The following NKIRAS1 variants were observed in gnomAD, a reference collection of about 807,000 sequenced individuals.
NKIRAS1 encodes NFKB inhibitor interacting Ras like 1.
NKIRAS1 carries 16 observed loss-of-function variants against 19.8 expected under a neutral mutation model. The observed-to-expected ratio is 0.81, with a 90% CI of 0.55 to 1.23. NKIRAS1 has a LOEUF of 1.23. Ranked by LOEUF, NKIRAS1 falls within the 50% of genes most tolerant of loss-of-function variation. The pLI, the probability that NKIRAS1 is intolerant of heterozygous loss-of-function variation, is 0.00. For missense variants in NKIRAS1, 184 were observed against 220.0 expected (o/e 0.84, Z 1.04); for synonymous variants, 88 against 79.0 (o/e 1.11, Z -0.61).
intron 4 of NKIRAS1, 71 bp from the exon 5 acceptor site, chr3:23,893,408 A>T: frequency 7.2e-7 from 1 of 1,390,006 alleles, no homozygotes; most frequent in South Asian, 1.4e-5. Context: ...AAATGGAGAC[A>T]TAAGGAAAAT....
At chr3:23,945,650 C>A in intron 1 of NKIRAS1, 1 of 477,972 alleles carries the variant, frequency 2.1e-6, no homozygotes. Context: ...TCAGAGCCCG[C>A]GGGGCACTTT....
chr3:23,900,386 G>A lies in NKIRAS1; in HGVS notation c.336+422C>T, dbSNP rs78255843. On this transcript the variant is annotated intron_variant, in intron 4 of 4. Coordinates refer to ENST00000425478, the MANE Select transcript of NKIRAS1 (RefSeq NM_020345.4). ...AGAGCGGCTCACACGTGTAATCCCAGCACTTTGGGAGGCCAAGGCCGGCAA... is the reference window on the plus strand; with the variant it reads ...AGAGCGGCTCACACGTGTAATCCCAACACTTTGGGAGGCCAAGGCCGGCAA... Among the ~76,000 whole-genome samples, 905 of 152,222 alleles carry A rather than the reference G, an allele frequency of 5.9e-3. 17 individuals carry two copies. The highest frequency in any genetic ancestry group is 0.049 in the East Asian group (254 of 5,166).
At chr3:23,917,683 C>T (rs560830084), upstream of NKIRAS1, 3 of 646,908 alleles carry the variant, frequency 4.6e-6, no homozygotes, top group East Asian at 3.0e-5. Flanking sequence ...AACGCGGCTC[C>T]GTGGGCGCAG....
chr3:23,936,869 T>C (rs1705404468), intron 1 of NKIRAS1, among the ~76,000 whole-genome samples: 1 of 152,224 alleles, frequency 6.6e-6, no homozygotes, highest in Non-Finnish European at 1.5e-5. Flanking sequence ...ATTGCATTTC[T>C]AACAAGTTTT....
chr3:23,928,689 TAAAA>T (rs10715656), intron 1 of NKIRAS1, among the ~76,000 whole-genome samples: 3 of 116,838 alleles, frequency 2.6e-5, no homozygotes, highest in Non-Finnish European at 1.8e-5. Context: ...GATTTAGGCT[TAAAA>T]AAAAAAAAAA....
intron 1 of NKIRAS1, among the ~76,000 whole-genome samples, chr3:23,940,509 G>T (rs1705473923): frequency 6.6e-6 from 1 of 151,948 alleles, no homozygotes; most frequent in Admixed American, 6.6e-5. Context: ...TTTCAGTATT[G>T]CCCATAAACA....
rs1705210918 is a variant in NKIRAS1, at chr3:23,926,310, C to G, written c.-139-14860G>C. On this transcript the variant is annotated intron_variant, in intron 1 of 4. Transcript: ENST00000421515. The surrounding 1 kb of genome is among the most constrained non-coding windows in gnomAD (Gnocchi z 4.3). ...TAGGTGATCCACCTGCCTTGGACTC[C>G]CAAAGTGCTGGGATTATAGGTATGA... Among the ~76,000 whole-genome samples the G allele has an allele frequency of 6.6e-6, 1 of 152,186 alleles. No homozygotes were observed. The highest frequency in any genetic ancestry group is 6.5e-5 in the Admixed American group (1 of 15,284).
rs187468838 is a variant in NKIRAS1 at position 23,945,727 on chromosome 3, C to T, written c.-140+596G>A. 342 of 598,110 alleles carry T rather than the reference C, an allele frequency of 5.7e-4. 3 individuals are homozygous for T. The East Asian group carries it at 0.014, about 25-fold the overall frequency. 37.1% of individuals were successfully genotyped at this position (598,110 alleles called of 1,614,324 possible). A position where few individuals can be genotyped will look rare whatever the true frequency, so the allele number is the denominator to read the frequency against. On this transcript the variant is annotated intron_variant, in intron 1 of 4. Coordinates refer to the NKIRAS1 transcript ENST00000421515. ...GGGTGGGCTGCTGCGCGCCGCGTGT[C>T]CGCCTCTGGCTCGGTTCCCATCGCC...
chr3:23,902,160 C>G (rs541891065), intron 3 of NKIRAS1, among the ~76,000 whole-genome samples: 1 of 152,144 alleles, frequency 6.6e-6, no homozygotes, highest in Non-Finnish European at 1.5e-5. Context: ...ATACCCCCCC[C>G]AATCATACTA....
chr3:23,930,434 T>C lies in NKIRAS1; in HGVS notation c.-140+15889A>G, dbSNP rs1169032306. ...TTTTGCTTGAAACCCTCCATTGATT[T>C]TGAACCTCAGAATAAAAGATAAATA... is the stretch of plus-strand genomic sequence containing the variant. On this transcript the variant is annotated intron_variant, in intron 1 of 4. Coordinates refer to the NKIRAS1 transcript ENST00000421515. Among the ~76,000 whole-genome samples, 3 of 147,832 alleles carry C rather than the reference T, an allele frequency of 2.0e-5. No homozygotes were observed. In the Admixed American group the frequency reaches 2.1e-4, roughly 10 times the overall value.
upstream of NKIRAS1, chr3:23,921,720 G>A (rs993936541): frequency 8.7e-5 from 56 of 643,740 alleles, no homozygotes; most frequent in South Asian, 4.4e-4. Context: ...GACTACAGGC[G>A]CACACTGCCA....
upstream of NKIRAS1, chr3:23,919,891 GT>G (rs367621594): frequency 5.0e-6 from 5 of 993,560 alleles, no homozygotes; most frequent in East Asian, 3.3e-4. Context: ...AAGTGGCTGC[GT>G]TTTTTTTAGT....
chr3:23,935,532 C>T (rs1705378021), intron 1 of NKIRAS1, among the ~76,000 whole-genome samples: 1 of 152,168 alleles, frequency 6.6e-6, no homozygotes, highest in Admixed American at 6.5e-5. Context: ...AGTAATCCTC[C>T]AACCTCAGCA....
intron 3 of NKIRAS1, among the ~76,000 whole-genome samples, chr3:23,909,372 C>A (rs970849921): frequency 6.6e-6 from 1 of 152,044 alleles, no homozygotes. Flanking sequence ...AATAAAAATA[C>A]AAAAATTAGC....
At chr3:23,894,159 AC>A (rs1701740484) in intron 4 of NKIRAS1, among the ~76,000 whole-genome samples, 1 of 152,260 alleles carries the variant, frequency 6.6e-6, no homozygotes, top group Non-Finnish European at 1.5e-5. Context: ...TGCTTACTAT[AC>A]ACCAGACACT....
At chr3:23,898,127 A>C (rs1182311642) in intron 4 of NKIRAS1, among the ~76,000 whole-genome samples, 1 of 152,166 alleles carries the variant, frequency 6.6e-6, no homozygotes, top group African/African-American at 2.4e-5. Context: ...TACCCAAGTA[A>C]ATAATTACAG....
At chr3:23,902,824 G>A (rs1278273826) in intron 3 of NKIRAS1, among the ~76,000 whole-genome samples, 1 of 152,214 alleles carries the variant, frequency 6.6e-6, no homozygotes, top group Non-Finnish European at 1.5e-5. Flanking sequence ...GTGGGATAAA[G>A]GGAATGAGTT....
In NKIRAS1 at chr3:23,891,417, A is replaced by G. The variant is rs1701455652; in HGVS notation, c.*1678T>C. 1.3e-5 allele frequency: 2 copies of G among 152,240 alleles called. No individual in the cohort carries two copies. The highest frequency in any genetic ancestry group is 4.8e-5 in the African/African-American group (2 of 41,466). The allele number at this position is 152,240 out of a possible 1,614,324, so 9.4% of individuals were successfully genotyped here. A position where few individuals can be genotyped will look rare whatever the true frequency, so the allele number is the denominator to read the frequency against. On this transcript the variant is annotated 3_prime_UTR_variant, in exon 5 of 5. Coordinates refer to ENST00000425478, the MANE Select transcript of NKIRAS1 (RefSeq NM_020345.4). ...TTCTAAAACAAGCTAAAAATAATGC[A>G]TATTTAGTAGGTATTAGTTAGTTAC...
chr3:23,918,941 A>G, upstream of NKIRAS1: 1 of 545,188 alleles, frequency 1.8e-6, no homozygotes, highest in Non-Finnish European at 3.2e-6. Flanking sequence ...TTACCCAGAT[A>G]TTAACATATT....
Sources: allele counts gnomAD v4.1 joint callset (sites outside exome capture counted in the v4.1 genomes callset), GRCh38; gene constraint gnomAD v4.1.1; non-coding constraint Gnocchi (gnomAD v3.1); transcripts MANE v1.5; gene names NCBI Gene and HGNC (gene_info 2026-07-23, HGNC 2026-07-21).